PPA2: variants seen among roughly 807,000 people sequenced by gnomAD.
PPA2 encodes the protein inorganic pyrophosphatase 2.
PPA2 carries 48 observed loss-of-function variants against 49.5 expected under a neutral mutation model. The observed-to-expected ratio is 0.97, with a 90% CI of 0.77 to 1.23. The LOEUF is 1.23. Among genes scored for constraint, PPA2 ranks in the 50% most tolerant of loss-of-function variants. PPA2 has a pLI of 0.00. For synonymous variants in PPA2, 131 were observed against 139.9 expected (o/e 0.94, Z 0.45); for missense variants, 429 against 410.1 (o/e 1.05, Z -0.40).
chr4:105,440,195 A>G (rs1724281599), intron 5 of PPA2, among the ~76,000 whole-genome samples: 1 of 152,168 alleles, frequency 6.6e-6, no homozygotes, highest in Non-Finnish European at 1.5e-5. Flanking sequence ...ACCACAAACT[A>G]TCTTGATTAA....
At chr4:105,409,662 G>A (rs1034264239) in intron 7 of PPA2, among the ~76,000 whole-genome samples, 2 of 152,212 alleles carry the variant, frequency 1.3e-5, no homozygotes. Flanking sequence ...ACCTCATACA[G>A]GTGGGTGCCC....
chr4:105,435,052 C>G (rs535758162), intron 6 of PPA2, among the ~76,000 whole-genome samples: 2 of 152,282 alleles, frequency 1.3e-5, no homozygotes, highest in South Asian at 2.1e-4. Flanking sequence ...TTAGAACATT[C>G]AAGTTTTCTA....
At chr4:105,456,892 A>G in intron 1 of PPA2, 147 bp from the exon 2 acceptor site, 1 of 542,476 alleles carries the variant, frequency 1.8e-6, no homozygotes, top group Non-Finnish European at 3.0e-6. Flanking sequence ...AGTTAATTCA[A>G]CTTTTAAAAC....
chr4:105,436,655 C>T (rs1724069901), intron 6 of PPA2, among the ~76,000 whole-genome samples: 1 of 151,978 alleles, frequency 6.6e-6, no homozygotes, highest in Non-Finnish European at 1.5e-5. Flanking sequence ...AAACACAGAA[C>T]AAACAAATGA....
In PPA2 at chr4:105,369,552, CA is replaced by C; in HGVS notation, c.*172del. 1.6e-6 allele frequency: 1 copy of C among 608,706 alleles called. No homozygotes were observed. 37.7% of individuals were successfully genotyped at this position (608,706 alleles called of 1,614,324 possible). On this transcript the variant is annotated 3_prime_UTR_variant, in exon 12 of 12. Transcript: ENST00000341695. ...TCTTCTTTTTATATCAATAAATGTCCAAAGGAGAGTAATTTAAAATTCTTAC... is the reference window on the plus strand; with the variant it reads ...TCTTCTTTTTATATCAATAAATGTCCAAGGAGAGTAATTTAAAATTCTTAC...
intron 10 of PPA2, among the ~76,000 whole-genome samples, chr4:105,373,681 G>A (rs1389631367): frequency 6.6e-6 from 1 of 151,486 alleles, no homozygotes; most frequent in Non-Finnish European, 1.5e-5. Flanking sequence ...TTTCCAGAAT[G>A]GTTTTATTTC....
chr4:105,448,154 G>T, intron 4 of PPA2: 1 of 352,780 alleles, frequency 2.8e-6, no homozygotes. Context: ...GCTTAAGTTA[G>T]GTAGATTCTC....
At chr4:105,374,150 T>C (rs977808897) in intron 10 of PPA2, among the ~76,000 whole-genome samples, 5 of 152,384 alleles carry the variant, frequency 3.3e-5, no homozygotes, top group African/African-American at 1.2e-4. Flanking sequence ...TTTCTTTTAA[T>C]GTAATTACTT....
intron 7 of PPA2, among the ~76,000 whole-genome samples, chr4:105,399,852 G>GA (rs1268695347): frequency 6.6e-6 from 1 of 152,148 alleles, no homozygotes; most frequent in Admixed American, 6.5e-5. Flanking sequence ...ATATTAAATG[G>GA]AAAATTCCAG....
At chr4:105,443,791 C>T (rs186496872) in intron 5 of PPA2, among the ~76,000 whole-genome samples, 7 of 152,252 alleles carry the variant, frequency 4.6e-5, no homozygotes, top group Admixed American at 2.0e-4. Context: ...GATACTCACA[C>T]ATGCTAGGCC....
rs1722603885 is a variant in PPA2 at position 105,408,791 on chromosome 4, A to T, written c.656-9627T>A. ...TTCAGACTGTGCTAAAAGATATACA[A>T]GATATAAAAGATAAACAAGAATACC... On this transcript the variant is annotated intron_variant, in intron 7 of 11. Coordinates refer to ENST00000341695, the MANE Select transcript of PPA2 (RefSeq NM_176869.3). 3.3e-5 allele frequency among the ~76,000 whole-genome samples: 5 copies of T among 152,242 alleles called. No homozygotes were observed. In the South Asian group the frequency reaches 1.0e-3, roughly 32 times the overall value.
At chr4:105,369,887 G>A (rs2110354871) in intron 11 of PPA2, 134 bp from the exon 12 acceptor site, 3 of 801,214 alleles carry the variant, frequency 3.7e-6, no homozygotes, top group South Asian at 1.7e-5. Context: ...ATCTAAAGTT[G>A]CATTTCTCTA....
Position 105,446,427 on chromosome 4 carries a change from A to G in PPA2, c.397T>C (p.Phe133Leu). 1 of 1,606,490 alleles carries G rather than the reference A, an allele frequency of 6.2e-7. No individual in the cohort carries two copies. The highest frequency in any genetic ancestry group is 1.3e-5 in the African/African-American group (1 of 74,760). The part of the protein sequence containing the change: ...DGKLRYVANI[F>L]PYKGYIWNYG... ...TTCCATATATAACCCTTGTAAGGGA[A>G]GATATTCGCCACATAGCGTAGCTTT... The change falls in exon 5 of 12, where the codon TTC becomes CTC. Residue 133 changes from phenylalanine (F) to leucine (L), a missense_variant. Physicochemically the swap from Phe to Leu is conservative, Grantham distance 22. Coordinates refer to ENST00000341695, the MANE Select transcript of PPA2 (RefSeq NM_176869.3).
At chr4:105,411,726 A>G (rs1382159502) in intron 7 of PPA2, among the ~76,000 whole-genome samples, 2 of 152,236 alleles carry the variant, frequency 1.3e-5, no homozygotes, top group Admixed American at 1.3e-4. Context: ...TAAGCTGACA[A>G]GCAACTTTAG....
At chr4:105,459,234 T>G (rs1020496377) in intron 1 of PPA2, among the ~76,000 whole-genome samples, 2 of 152,184 alleles carry the variant, frequency 1.3e-5, no homozygotes, top group Non-Finnish European at 2.9e-5. Context: ...ACTTTGGCTA[T>G]GGTCTATAAA....
chr4:105,462,046 A>T (rs1723114526), intron 1 of PPA2, among the ~76,000 whole-genome samples: 1 of 152,214 alleles, frequency 6.6e-6, no homozygotes, highest in Non-Finnish European at 1.5e-5. Context: ...CTAAAGGTGG[A>T]TTTAAAGATA....
chr4:105,467,313 C>T (rs1723344805), intron 1 of PPA2, among the ~76,000 whole-genome samples: 3 of 152,172 alleles, frequency 2.0e-5, no homozygotes, highest in Non-Finnish European at 4.4e-5. Context: ...GGGAGGAGCA[C>T]TGAAGGCATA....
intron 7 of PPA2, among the ~76,000 whole-genome samples, chr4:105,418,235 A>C (rs991750865): frequency 7.2e-5 from 11 of 152,344 alleles, no homozygotes; most frequent in African/African-American, 2.6e-4. Flanking sequence ...CAAAACATGA[A>C]TATTTTCCCT....
rs760594754 is a variant in PPA2 at position 105,449,345 on chromosome 4, G to A, written c.321+5C>T. 38 of 1,539,268 alleles carry A rather than the reference G, an allele frequency of 2.5e-5. No individual in the cohort carries two copies. The highest frequency in any genetic ancestry group is 5.3e-5 in the Admixed American group (3 of 56,542). ...CGGTTTCATATTAATAAAGTATATC[G>A]GTACCTCCATTTTAGCATTTGTCCA... On this transcript the variant is annotated splice_donor_5th_base_variant and intron_variant, in intron 4 of 11. Coordinates refer to ENST00000341695, the MANE Select transcript of PPA2 (RefSeq NM_176869.3).
Sources: allele counts gnomAD v4.1 joint callset (sites outside exome capture counted in the v4.1 genomes callset), GRCh38; gene constraint gnomAD v4.1.1; transcripts MANE v1.5; gene names NCBI Gene and HGNC (gene_info 2026-07-23, HGNC 2026-07-21).